Variants in THSD4 observed in about 807,000 individuals in gnomAD.
The protein encoded by THSD4 is thrombospondin type-1 domain-containing protein 4.
In THSD4, 69 loss-of-function variants were observed where a neutral mutation model predicts 119.0. The observed-to-expected ratio is 0.58, with a 90% CI of 0.48 to 0.71. The LOEUF (loss-of-function observed/expected upper bound fraction) is 0.71. Among genes scored for constraint, THSD4 ranks in the 30% least tolerant of loss-of-function variants. The probability of loss-of-function intolerance (pLI) is 0.00; values close to 1 mark genes in which losing one functional copy is unlikely to be tolerated. For missense variants in THSD4, 1,393 were observed against 1,391.1 expected (o/e 1.00, Z -0.02); for synonymous variants, 524 against 540.4 (o/e 0.97, Z 0.42).
intron 4 of THSD4, among the ~76,000 whole-genome samples, chr15:71,221,320 T>C (rs1181122995): frequency 6.6e-6 from 1 of 152,240 alleles, no homozygotes; most frequent in South Asian, 2.1e-4. Context: ...TTTAAGCATA[T>C]GGTTCAGTGA....
At chr15:71,730,675 C>G (rs991381337) in intron 9 of THSD4, 3 of 155,698 alleles carry the variant, frequency 1.9e-5, no homozygotes, top group African/African-American at 7.2e-5. Context: ...TTTGAGGGAA[C>G]CTAAAGCATC....
At chr15:71,505,753 A>C (rs1192486481) in intron 7 of THSD4, among the ~76,000 whole-genome samples, 1 of 152,212 alleles carries the variant, frequency 6.6e-6, no homozygotes, top group Non-Finnish European at 1.5e-5. Flanking sequence ...TTGCAACAGG[A>C]AAGTCCTGTA....
At chr15:71,245,962 C>G (rs2044196051) in intron 5 of THSD4, among the ~76,000 whole-genome samples, 1 of 152,132 alleles carries the variant, frequency 6.6e-6, no homozygotes, top group African/African-American at 2.4e-5. Context: ...GCCCCAGCAT[C>G]TCAGCATCAA....
At chr15:71,503,208 C>T (rs148009343) in intron 7 of THSD4, among the ~76,000 whole-genome samples, 157 of 152,258 alleles carry the variant, frequency 1.0e-3, no homozygotes, top group African/African-American at 3.6e-3. Context: ...GCAGCGGGAA[C>T]AGCACGTGCA....
intron 6 of THSD4, among the ~76,000 whole-genome samples, chr15:71,280,199 G>A (rs2044635660): frequency 6.6e-6 from 1 of 152,170 alleles, no homozygotes; most frequent in African/African-American, 2.4e-5. Flanking sequence ...AAACATCGGC[G>A]AGTGTCCTTC....
chr15:71,442,051 C>T (rs956509380), intron 7 of THSD4, among the ~76,000 whole-genome samples: 5 of 152,088 alleles, frequency 3.3e-5, no homozygotes, highest in South Asian at 2.1e-4. Flanking sequence ...CTCCGCCTCC[C>T]GGGTTCAAGC....
At chr15:71,426,388 TGTGTGTGTG>T (rs1234965433) in intron 7 of THSD4, among the ~76,000 whole-genome samples, 66 of 134,672 alleles carry the variant, frequency 4.9e-4, no homozygotes, top group African/African-American at 1.7e-3. Context: ...TGTGTGTGTG[TGTGTGTGTG>T]TGTGTGTGTT....
chr15:71,657,136 C>T (rs1276069315), intron 7 of THSD4, among the ~76,000 whole-genome samples: 1 of 152,182 alleles, frequency 6.6e-6, no homozygotes, highest in Non-Finnish European at 1.5e-5. Context: ...GGCCTGATAG[C>T]TTGTGATTCT....
At chr15:71,342,136 TAAAAAA>T (rs59764881) in intron 6 of THSD4, among the ~76,000 whole-genome samples, 34,343 of 149,288 alleles carry the variant, frequency 0.23, 4,806 homozygotes, top group Admixed American at 0.33. Context: ...CGCTTCTTCA[TAAAAAA>T]AAAAGGTGGG....
chr15:71,399,098 G>A (rs1412896134), intron 6 of THSD4, among the ~76,000 whole-genome samples: 1 of 151,994 alleles, frequency 6.6e-6, no homozygotes, highest in Admixed American at 6.5e-5. Flanking sequence ...TCTGCTTGGA[G>A]TATCTTTGGG....
intron 8 of THSD4, among the ~76,000 whole-genome samples, chr15:71,708,144 A>G (rs1362006158): frequency 1.3e-5 from 2 of 152,254 alleles, no homozygotes; most frequent in African/African-American, 4.8e-5. Flanking sequence ...GGACAAAAAC[A>G]GATCCCAGAC....
chr15:71,203,362 A>G (rs555433781), intron 3 of THSD4, among the ~76,000 whole-genome samples: 9 of 152,250 alleles, frequency 5.9e-5, no homozygotes, highest in Admixed American at 5.9e-4. Flanking sequence ...TTTTAAGAAA[A>G]TAGCTTTGGC....
Position 71,128,938 on chromosome 15 carries a change from A to G in THSD4, c.-79-12511A>G, listed in dbSNP as rs535741619. ...TGCATAGGGAAATCAGAGAACATTA[A>G]TTGCAATTATCTGGATGATGGTTTA... On this transcript the variant is annotated intron_variant, in intron 1 of 17. Coordinates refer to ENST00000261862, the MANE Select transcript of THSD4 (RefSeq NM_024817.3). 1.2e-4 allele frequency among the ~76,000 whole-genome samples: 19 copies of G among 152,278 alleles called. No individual in the cohort carries two copies. In the South Asian group the frequency reaches 2.9e-3, roughly 23 times the overall value.
chr15:71,649,340 C>G (rs2051037331), intron 7 of THSD4, among the ~76,000 whole-genome samples: 1 of 152,094 alleles, frequency 6.6e-6, no homozygotes, highest in African/African-American at 2.4e-5. Flanking sequence ...GTGGTGTGAT[C>G]TCAACTCACT....
chr15:71,450,345 T>C (rs186525229), intron 7 of THSD4, among the ~76,000 whole-genome samples: 2 of 152,178 alleles, frequency 1.3e-5, no homozygotes, highest in Non-Finnish European at 2.9e-5. Context: ...ATTGAAGATT[T>C]TTTTTTTTCT....
At chr15:71,529,135 A>G (rs2048572921) in intron 7 of THSD4, among the ~76,000 whole-genome samples, 2 of 152,090 alleles carry the variant, frequency 1.3e-5, no homozygotes, top group South Asian at 4.1e-4. Context: ...AACCTTGGAA[A>G]CCATGTATTG....
rs564771185 is a variant in THSD4 at position 71,263,889 on chromosome 15, C to T, written c.1015+7174C>T. Among the ~76,000 whole-genome samples, 3 of 152,348 alleles carry T rather than the reference C, an allele frequency of 2.0e-5. No individual in the cohort carries two copies. The East Asian group carries it at 5.8e-4, about 29-fold the overall frequency. ...AGGCAGGAAGCTCCAGTGAAATTCC[C>T]TGAATGCCTTCCTCGTTAAGTCCAG... On this transcript the variant is annotated intron_variant, in intron 6 of 17. Transcript: ENST00000261862.
At chr15:71,253,256 G>A (rs1263678046) in intron 5 of THSD4, among the ~76,000 whole-genome samples, 1 of 152,194 alleles carries the variant, frequency 6.6e-6, no homozygotes, top group Non-Finnish European at 1.5e-5. Context: ...TATCCTAAAT[G>A]ACCCACAATA....
intron 6 of THSD4, among the ~76,000 whole-genome samples, chr15:71,345,779 A>G (rs923424603): frequency 1.4e-5 from 2 of 141,590 alleles, no homozygotes; most frequent in Non-Finnish European, 3.1e-5. Context: ...ATAAGTGAAC[A>G]TAATTCTTTG....
Sources: allele counts gnomAD v4.1 joint callset (sites outside exome capture counted in the v4.1 genomes callset), GRCh38; gene constraint gnomAD v4.1.1; transcripts MANE v1.5; gene names NCBI Gene and HGNC (gene_info 2026-07-23, HGNC 2026-07-21).